The following SPATA16 variants were observed in gnomAD, a reference collection of about 807,000 sequenced individuals.
SPATA16 encodes spermatogenesis-associated protein 16.
A neutral mutation model predicts 63.3 loss-of-function variants in SPATA16; 36 were observed. That is an observed-to-expected ratio of 0.57 (90% confidence interval 0.44 to 0.75). The LOEUF (loss-of-function observed/expected upper bound fraction) is 0.75, where lower values mean the gene tolerates loss of function less well. Among genes scored for constraint, SPATA16 ranks in the 30% least tolerant of loss-of-function variants. SPATA16 has a pLI of 0.00. For synonymous variants in SPATA16, 203 were observed against 216.7 expected (o/e 0.94, Z 0.56); for missense variants, 646 against 679.3 (o/e 0.95, Z 0.54).
chr3:172,892,023 TC>T (rs756095602), intron 10 of SPATA16, among the ~76,000 whole-genome samples: 3 of 152,208 alleles, frequency 2.0e-5, no homozygotes, highest in Non-Finnish European at 4.4e-5. Context: ...TTGTAGAACC[TC>T]AGTAATCCTA....
chr3:173,070,303 G>A (rs757791573), intron 2 of SPATA16, among the ~76,000 whole-genome samples: 3 of 151,170 alleles, frequency 2.0e-5, no homozygotes, highest in Non-Finnish European at 2.9e-5. Context: ...GCTGAGGCAC[G>A]AGAATTGCTT....
chr3:173,096,887 G>T (rs1011776883), intron 2 of SPATA16, among the ~76,000 whole-genome samples: 1 of 152,028 alleles, frequency 6.6e-6, no homozygotes, highest in Non-Finnish European at 1.5e-5. Context: ...TAAAAAGGAA[G>T]AAATTTATTA....
chr3:172,995,734 A>C (rs1164091246), intron 4 of SPATA16, among the ~76,000 whole-genome samples: 2 of 152,154 alleles, frequency 1.3e-5, no homozygotes, highest in Non-Finnish European at 2.9e-5. Flanking sequence ...CAAACATAAC[A>C]AACAAGCTAT....
At chr3:173,096,072 T>C (rs1158493479) in intron 2 of SPATA16, among the ~76,000 whole-genome samples, 14 of 152,064 alleles carry the variant, frequency 9.2e-5, no homozygotes, top group Admixed American at 8.5e-4. Flanking sequence ...TTACTACTAA[T>C]AAAGAGCTTT....
chr3:173,068,029 A>T (rs1226021117), intron 2 of SPATA16, among the ~76,000 whole-genome samples: 1 of 152,232 alleles, frequency 6.6e-6, no homozygotes, highest in African/African-American at 2.4e-5. Context: ...TTCAAACATG[A>T]AGGAGACAAA....
Position 173,028,078 on chromosome 3 carries a change from T to TTCCTTCCTTC in SPATA16, c.759-8504_759-8503insGAAGGAAGGA, listed in dbSNP as rs1560101151. ...TCCTTCCTTCCTTCCTTCCTTCCTT[T>TTCCTTCCTTC]CTCTCTCTCTCTTTCTTTCTTTCAA... is the stretch of plus-strand genomic sequence containing the variant. On this transcript the variant is annotated intron_variant, in intron 3 of 10. Transcript: ENST00000351008. Among the ~76,000 whole-genome samples the TTCCTTCCTTC allele has an allele frequency of 3.6e-4, 26 of 71,770 alleles. No homozygotes were observed. In the East Asian group the frequency reaches 5.9e-3, roughly 16 times the overall value. The allele number at this position is 71,770 out of a possible 152,430, so 47.1% of individuals were successfully genotyped here.
At chr3:173,032,041 A>G (rs1041869700) in intron 3 of SPATA16, among the ~76,000 whole-genome samples, 5 of 152,256 alleles carry the variant, frequency 3.3e-5, no homozygotes, top group African/African-American at 1.2e-4. Flanking sequence ...AAAGCATGAA[A>G]GTAGAACCTA....
At chr3:173,079,294 G>A (rs1385289586) in intron 2 of SPATA16, among the ~76,000 whole-genome samples, 1 of 152,058 alleles carries the variant, frequency 6.6e-6, no homozygotes, top group African/African-American at 2.4e-5. Context: ...GGTCCAAGGA[G>A]TGCATTGTTG....
At chr3:173,031,547 C>T (rs1048018479) in intron 3 of SPATA16, among the ~76,000 whole-genome samples, 6 of 152,118 alleles carry the variant, frequency 3.9e-5, no homozygotes, top group East Asian at 1.9e-4. Context: ...GAAAAATCAG[C>T]GAGTGTTCCA....
chr3:172,917,472 T>C (rs1341361661), intron 8 of SPATA16, among the ~76,000 whole-genome samples: 4 of 152,124 alleles, frequency 2.6e-5, no homozygotes, highest in Non-Finnish European at 5.9e-5. Context: ...AAGTGCCCCT[T>C]TAGAGCAGGG....
intron 8 of SPATA16, 54 bp downstream of exon 8, chr3:172,924,154 T>C (rs767537113): frequency 3.9e-5 from 54 of 1,386,292 alleles, no homozygotes; most frequent in Non-Finnish European, 4.8e-5. Flanking sequence ...TATATACTTC[T>C]AGAATTCTCT....
In SPATA16 at chr3:173,072,164, A is replaced by G. The variant is rs371517528; in HGVS notation, c.613-23070T>C. On this transcript the variant is annotated intron_variant, in intron 2 of 10. Coordinates refer to ENST00000351008, the MANE Select transcript of SPATA16 (RefSeq NM_031955.6). ...AGTAGCAAAGACATGGAATAAACCT[A>G]GGTGCCCATAAACAGAGGATTGGAT... 9.2e-5 allele frequency among the ~76,000 whole-genome samples: 14 copies of G among 152,328 alleles called. 1 individual carries two copies. The highest frequency in any genetic ancestry group is 2.6e-4 in the Admixed American group (4 of 15,300).
In SPATA16 at chr3:173,095,209, A is replaced by T. The variant is rs112558463; in HGVS notation, c.612+21911T>A. Among the ~76,000 whole-genome samples, 822 of 152,248 alleles carry T rather than the reference A, an allele frequency of 5.4e-3. 5 individuals are homozygous for T. Among genetic ancestry groups the T allele is most frequent in the African/African-American group, 0.018 (749 of 41,544 alleles). On this transcript the variant is annotated intron_variant, in intron 2 of 10. Transcript: ENST00000351008. Reference sequence around the variant, plus strand: ...TTCTTTGGGTTATTGTAGGAATTGAAGGAGTATGGTAAATAAAGTGCTGGC... The same window carrying T: ...TTCTTTGGGTTATTGTAGGAATTGATGGAGTATGGTAAATAAAGTGCTGGC...
chr3:173,009,436 C>A (rs985808257), intron 4 of SPATA16, among the ~76,000 whole-genome samples: 1 of 152,192 alleles, frequency 6.6e-6, no homozygotes, highest in African/African-American at 2.4e-5. Flanking sequence ...CATGGAAGAG[C>A]CCCTCTGACT....
chr3:172,994,392 G>T (rs1408366290), intron 4 of SPATA16, among the ~76,000 whole-genome samples: 1 of 152,086 alleles, frequency 6.6e-6, no homozygotes, highest in Non-Finnish European at 1.5e-5. Flanking sequence ...GAGAAACCAG[G>T]GCAGATAGGT....
At chr3:173,135,028 A>G (rs1408391122) in intron 1 of SPATA16, among the ~76,000 whole-genome samples, 1 of 152,242 alleles carries the variant, frequency 6.6e-6, no homozygotes, top group Non-Finnish European at 1.5e-5. Flanking sequence ...TGAAATGACA[A>G]TTCGTAGAAT....
intron 6 of SPATA16, among the ~76,000 whole-genome samples, chr3:172,934,105 T>C (rs1309930865): frequency 6.6e-6 from 1 of 152,106 alleles, no homozygotes; most frequent in Non-Finnish European, 1.5e-5. Flanking sequence ...TAACATAATC[T>C]TTCTTGACCT....
chr3:172,890,724 T>C (rs1361812373), intron 10 of SPATA16, among the ~76,000 whole-genome samples: 1 of 148,904 alleles, frequency 6.7e-6, no homozygotes, highest in Non-Finnish European at 1.5e-5. Flanking sequence ...TCTCATATCA[T>C]ACCAGTGACA....
chr3:173,086,844 T>C (rs1737070149), intron 2 of SPATA16, among the ~76,000 whole-genome samples: 1 of 152,172 alleles, frequency 6.6e-6, no homozygotes, highest in African/African-American at 2.4e-5. Flanking sequence ...TTGCATGGTT[T>C]TGAGTGAGTT....
Sources: gnomAD v4.1 joint callset for allele counts (sites outside exome capture counted in the v4.1 genomes callset) on GRCh38, gnomAD v4.1.1 for gene constraint, MANE v1.5 for transcripts, NCBI Gene and HGNC (gene_info 2026-07-23, HGNC 2026-07-21) for gene names.